TEX15: variants seen among roughly 807,000 people sequenced by gnomAD.
TEX15 encodes testis-expressed protein 15.
In TEX15, 171 loss-of-function variants were observed where a neutral mutation model predicts 237.3. The observed-to-expected ratio is 0.72, with a 90% CI of 0.64 to 0.82. TEX15 has a LOEUF of 0.82. TEX15 is among the 40% of genes least tolerant of loss of function. The pLI is 0.00. For synonymous variants in TEX15, 1,338 were observed against 1,269.8 expected (o/e 1.05, Z -1.14); for missense variants, 3,750 against 3,646.5 (o/e 1.03, Z -0.73).
At chr8:30,836,782 G>T in intron 10 of TEX15, 21 bp downstream of exon 10, 1 of 1,556,592 alleles carries the variant, frequency 6.4e-7, no homozygotes. Flanking sequence ...AATAAAGCAG[G>T]CATTAAAATG....
intron 4 of TEX15, among the ~76,000 whole-genome samples, chr8:30,869,946 C>G (rs907780775): frequency 6.6e-6 from 1 of 151,720 alleles, no homozygotes; most frequent in African/African-American, 2.4e-5. Flanking sequence ...TTTAAAAATA[C>G]ATAAAAGAAT....
Position 30,832,481 on chromosome 8 carries a change from G to C in TEX15, c.*805C>G, listed in dbSNP as rs1469163537. 6.6e-6 allele frequency: 1 copy of C among 152,158 alleles called. No individual in the cohort carries two copies. The highest frequency in any genetic ancestry group is 1.5e-5 in the Non-Finnish European group (1 of 68,024). 9.4% of individuals were successfully genotyped at this position (152,158 alleles called of 1,614,324 possible). A position where few individuals can be genotyped will look rare whatever the true frequency, so the allele number is the denominator to read the frequency against. On this transcript the variant is annotated 3_prime_UTR_variant, in exon 11 of 11. Transcript: ENST00000643185. Reference sequence around the variant, plus strand: ...TGCCCTATGATGATTATTACTAAGAGAGTTTTTACTTTTGCAGAAGGTTAA... The same window carrying C: ...TGCCCTATGATGATTATTACTAAGACAGTTTTTACTTTTGCAGAAGGTTAA...
chr8:30,887,906 A>G (rs1808694836), intron 2 of TEX15: 1 of 97,562 alleles, frequency 1.0e-5, no homozygotes, highest in African/African-American at 4.6e-5. Flanking sequence ...ATATATATAT[A>G]TATATATATA....
In TEX15 at chr8:30,843,113, T is replaced by C. The variant is rs1447671688; in HGVS notation, c.7054A>G (p.Ile2352Val). Residue 2352 changes from isoleucine (I) to valine (V), a missense_variant, in exon 8 of 11, where the codon ATT (isoleucine) becomes GTT (valine). By Grantham distance (29) the Ile-to-Val change is conservative (BLOSUM62 3). Transcript: ENST00000643185. The stretch of plus-strand genomic sequence containing the variant: ...TTAAATTTAGAATTTTCTATGCTAA[T>C]TGTTGCTTCGTTTATTGGATGATCT... ...KSDHPINEATISIENSKFNSN... is the reference protein window; with the variant it reads ...KSDHPINEATVSIENSKFNSN... 2.5e-6 allele frequency: 4 copies of C among 1,613,202 alleles called. No individual in the cohort carries two copies. The highest frequency in any genetic ancestry group is 1.1e-5 in the South Asian group (1 of 90,926).
rs373397723 is a variant in TEX15, at chr8:30,865,675, A to T, written c.540+1590T>A. Among the ~76,000 whole-genome samples the T allele has an allele frequency of 1.1e-3, 160 of 152,346 alleles. 4 individuals are homozygous for T. The South Asian group carries it at 0.032, about 31-fold the overall frequency. On this transcript the variant is annotated intron_variant, in intron 5 of 10. Transcript: ENST00000643185. ...CAAATCAATAAACGTGATAGATCAC[A>T]TCAAGAAAATCAAAAACAAAAAAAC...
In TEX15 at chr8:30,878,222, T is replaced by C. The variant is rs193090213; in HGVS notation, c.137-3120A>G. Among the ~76,000 whole-genome samples, 221 of 151,624 alleles carry C rather than the reference T, an allele frequency of 1.5e-3. 1 individual carries two copies. Among genetic ancestry groups the C allele is most frequent in the African/African-American group, 5.2e-3 (213 of 41,340 alleles). ...ATGAATGTGCCAGTTTGTTTAACCA[T>C]TTACTCATTAGAAATTTGGGTGGTT... On this transcript the variant is annotated intron_variant, in intron 3 of 10. Coordinates refer to ENST00000643185, the MANE Select transcript of TEX15 (RefSeq NM_001350162.2).
chr8:30,858,559 A>G (rs1294945656), intron 7 of TEX15, 109 bp downstream of exon 7: 1 of 957,696 alleles, frequency 1.0e-6, no homozygotes, highest in African/African-American at 1.7e-5. Flanking sequence ...CCGCCTCCCA[A>G]AGTGCTAGGA....
chr8:30,911,960 C>T (rs1189909099), intron 1 of TEX15, among the ~76,000 whole-genome samples: 5 of 152,184 alleles, frequency 3.3e-5, no homozygotes, highest in African/African-American at 9.6e-5. Flanking sequence ...CTGAGCCGAG[C>T]CAGGAAGCCA....
chr8:30,888,156 C>A (rs577763356), intron 2 of TEX15, among the ~76,000 whole-genome samples: 1 of 151,716 alleles, frequency 6.6e-6, no homozygotes, highest in African/African-American at 2.4e-5. Flanking sequence ...CTCAAGTGAT[C>A]CTCCTGCCTC....
Position 30,842,027 on chromosome 8 carries a change from C to G in TEX15, c.8140G>C (p.Val2714Leu). Residue 2714 changes from valine to leucine, a missense_variant, in exon 8 of 11, where the codon GTT (valine) becomes CTT (leucine). By Grantham distance (32) the Val-to-Leu change is conservative. Coordinates refer to ENST00000643185, the MANE Select transcript of TEX15 (RefSeq NM_001350162.2). Reference sequence around the variant, plus strand: ...ACCTTTAGCTTTTTACAACTGGAAACAGTAGTATCTTGCTGTTGTTCCTGA... The same window carrying G: ...ACCTTTAGCTTTTTACAACTGGAAAGAGTAGTATCTTGCTGTTGTTCCTGA... ...DSQEQQQDTT[V>L]SSCKKLKVDM... The G allele has an allele frequency of 6.3e-7, 1 of 1,594,602 alleles. No homozygotes were observed. Among genetic ancestry groups the G allele is most frequent in the East Asian group, 2.2e-5 (1 of 44,716 alleles).
rs1475288000 is a variant in TEX15 at position 30,842,001 on chromosome 8, T to A, written c.8163+3A>T. On this transcript the variant is annotated splice_donor_region_variant and intron_variant, in intron 8 of 10. Transcript: ENST00000643185. ...TAAAAGTTTTGTTTTAAAACATACATACCTTTAGCTTTTTACAACTGGAAA... is the reference window on the plus strand; with the variant it reads ...TAAAAGTTTTGTTTTAAAACATACAAACCTTTAGCTTTTTACAACTGGAAA... 6.4e-7 allele frequency: 1 copy of A among 1,561,174 alleles called. No individual in the cohort carries two copies. The highest frequency in any genetic ancestry group is 1.2e-5 in the South Asian group (1 of 81,106).
chr8:30,875,700 G>A (rs1029173008), intron 3 of TEX15, among the ~76,000 whole-genome samples: 2 of 152,138 alleles, frequency 1.3e-5, no homozygotes, highest in Admixed American at 6.6e-5. Context: ...GTTATTGGTG[G>A]TAGTTATATT....
intron 10 of TEX15, among the ~76,000 whole-genome samples, chr8:30,835,022 A>T (rs1026411177): frequency 5.3e-5 from 8 of 152,122 alleles, no homozygotes; most frequent in Non-Finnish European, 1.2e-4. Context: ...GTAATCCCAC[A>T]CTTTGCAAGG....
rs758620662 is a variant in TEX15 at position 30,844,547 on chromosome 8, T to C, written c.5620A>G (p.Asn1874Asp). ...TCTTCTGAGATCTGATTCTTTTGAT[T>C]TTTGTACTCAGTATTAACAGTTGAT... ...EGSTVNTEYKNQKNQISEESC... is the reference protein window; with the variant it reads ...EGSTVNTEYKDQKNQISEESC... The change falls in exon 8 of 11, where the codon AAT becomes GAT. Residue 1874 changes from asparagine to aspartate, a missense_variant. Physicochemically the swap from Asn to Asp is conservative, Grantham distance 23 (BLOSUM62 1). Coordinates refer to ENST00000643185, the MANE Select transcript of TEX15 (RefSeq NM_001350162.2). The C allele has an allele frequency of 2.5e-6, 4 of 1,612,286 alleles. No homozygotes were observed. The East Asian group carries it at 8.9e-5, about 36-fold the overall frequency.
chr8:30,848,243 CT>C lies in TEX15; in HGVS notation c.1923del (p.Glu642LysfsTer15), dbSNP rs1563243846. 1 of 1,612,298 alleles carries C rather than the reference CT, an allele frequency of 6.2e-7. No individual in the cohort carries two copies. On this transcript the variant is annotated frameshift_variant, in exon 8 of 11. Coordinates refer to ENST00000643185, the MANE Select transcript of TEX15 (RefSeq NM_001350162.2). LOFTEE classifies it high-confidence loss of function. ...SKHEEKQTSW[K>X]EIDNDFTNET... The stretch of plus-strand genomic sequence containing the variant: ...TCATTAGTGAAATCATTATCAATTT[CT>C]TTCCATGAAGTTTGCTTTTCTTCAT...
rs1390745075 is a variant in TEX15 at position 30,844,818 on chromosome 8, A to T, written c.5349T>A (p.Asn1783Lys). The change falls in exon 8 of 11, where the codon AAT becomes AAA. Residue 1783 changes from asparagine to lysine, a missense_variant. Transcript: ENST00000643185. ...CATAATTCTCAGTGACATTTGTTTC[A>T]TTCCCATCTGTATGGAGGCAATTAC... ...SSGNCLHTDGNETNVTENYEL... is the reference protein window; with the variant it reads ...SSGNCLHTDGKETNVTENYEL... The T allele has an allele frequency of 1.2e-6, 2 of 1,613,482 alleles. No homozygotes were observed. The highest frequency in any genetic ancestry group is 2.7e-5 in the African/African-American group (2 of 75,002).
chr8:30,838,723 T>C (rs13282534), intron 9 of TEX15, among the ~76,000 whole-genome samples: 15 of 138,096 alleles, frequency 1.1e-4, no homozygotes, highest in Admixed American at 2.2e-4. Flanking sequence ...CACACATATA[T>C]ACACACACAC....
intron 1 of TEX15, among the ~76,000 whole-genome samples, chr8:30,901,851 A>G (rs1473040841): frequency 6.6e-6 from 1 of 152,194 alleles, no homozygotes; most frequent in Non-Finnish European, 1.5e-5. Flanking sequence ...AAAAACTACT[A>G]CTTAACAAAG....
Position 30,887,263 on chromosome 8 carries a change from G to A in TEX15, c.40C>T (p.Gln14Ter). 1 of 1,535,912 alleles carries A rather than the reference G, an allele frequency of 6.5e-7. No homozygotes were observed. Among genetic ancestry groups the A allele is most frequent in the Non-Finnish European group, 8.7e-7 (1 of 1,146,842 alleles). The change falls in exon 3 of 11, where the codon CAA becomes TAA. Residue 14 changes from glutamine (Q) to a stop codon, truncating the protein, a stop_gained. Coordinates refer to ENST00000643185, the MANE Select transcript of TEX15 (RefSeq NM_001350162.2). LOFTEE classifies it high-confidence loss of function. ...ACGGGTTTGCTAGTTGAGCTCATTT[G>A]CCACAGTGTATCCTGTTTAGCAGTT... Reference protein sequence around the residue: ...KETAKQDTLWQMSSTSKPVLN... With the variant: ...KETAKQDTLW
Sources: allele counts gnomAD v4.1 joint callset (sites outside exome capture counted in the v4.1 genomes callset), GRCh38; gene constraint gnomAD v4.1.1; transcripts MANE v1.5; gene names NCBI Gene and HGNC (gene_info 2026-07-23, HGNC 2026-07-21).